The following LSP1 variants were observed in gnomAD, a reference collection of about 807,000 sequenced individuals.
LSP1 encodes lymphocyte-specific protein 1.
In LSP1, 32 loss-of-function variants were observed where a neutral mutation model predicts 49.3. The observed-to-expected ratio is 0.65, with a 90% CI of 0.49 to 0.87. The LOEUF (loss-of-function observed/expected upper bound fraction) is 0.87. Ranked by LOEUF, LSP1 falls within the 40% of genes least tolerant of loss-of-function variation. The pLI is 0.00. For synonymous variants in LSP1, 179 were observed against 178.8 expected (o/e 1.00, Z -0.01); for missense variants, 428 against 442.6 (o/e 0.97, Z 0.30).
intron 10 of LSP1, chr11:1,889,070 G>A: frequency 3.5e-6 from 2 of 576,550 alleles, no homozygotes; most frequent in Non-Finnish European, 6.2e-6. Context: ...AGCAACTATG[G>A]GCCCCCAGCT....
rs558242846 is a variant in LSP1 at position 1,875,854 on chromosome 11, C to T, written c.54-4233C>T. On this transcript the variant is annotated intron_variant, in intron 1 of 10. Coordinates refer to ENST00000311604, the MANE Select transcript of LSP1 (RefSeq NM_002339.3). ...CCCACCTGCTGGCCCCGGGCTGTCTCTGCTCCTGGCTCCCCTCCCAGCTGC... is the reference window on the plus strand; with the variant it reads ...CCCACCTGCTGGCCCCGGGCTGTCTTTGCTCCTGGCTCCCCTCCCAGCTGC... 8.5e-5 allele frequency among the ~76,000 whole-genome samples: 13 copies of T among 152,344 alleles called. No homozygotes were observed. The South Asian group carries it at 2.7e-3, about 32-fold the overall frequency.
At chr11:1,888,022 T>C (rs781348001) in intron 10 of LSP1, among the ~76,000 whole-genome samples, 8 of 152,098 alleles carry the variant, frequency 5.3e-5, no homozygotes, top group Non-Finnish European at 1.0e-4. Context: ...CCGAGAGCGA[T>C]TCAGAGGTCC....
intron 1 of LSP1, chr11:1,871,110 C>T (rs1041747798): frequency 1.7e-5 from 17 of 985,380 alleles, no homozygotes; most frequent in African/African-American, 1.7e-5. Flanking sequence ...AGAAAGGTCC[C>T]GCAGGTCGCC....
intron 1 of LSP1, chr11:1,864,309 G>A: frequency 1.1e-6 from 1 of 937,608 alleles, no homozygotes; most frequent in Non-Finnish European, 1.3e-6. Flanking sequence ...GAGGGCCCGG[G>A]CAGGGCCTGG....
At chr11:1,888,967 C>T (rs1848868765) in intron 10 of LSP1, 1 of 523,150 alleles carries the variant, frequency 1.9e-6, no homozygotes, top group Admixed American at 3.7e-5. Flanking sequence ...CCTGACCACC[C>T]TCCTAACCAT....
chr11:1,868,699 G>T (rs1847875237), intron 1 of LSP1: 1 of 985,770 alleles, frequency 1.0e-6, no homozygotes, highest in Non-Finnish European at 1.2e-6. Flanking sequence ...TTCGGACAGA[G>T]CCCGTCCTGC....
intron 1 of LSP1, chr11:1,868,721 G>T: frequency 1.0e-6 from 1 of 985,776 alleles, no homozygotes. Flanking sequence ...CAGAAGCCCA[G>T]GCGAGCCAGC....
chr11:1,876,012 C>T (rs1848295080), intron 1 of LSP1, among the ~76,000 whole-genome samples: 1 of 152,258 alleles, frequency 6.6e-6, no homozygotes, highest in African/African-American at 2.4e-5. Context: ...GATGGGGGCT[C>T]ATGTGAGCAG....
intron 1 of LSP1, chr11:1,866,622 G>C: frequency 6.5e-7 from 1 of 1,550,114 alleles, no homozygotes; most frequent in Non-Finnish European, 8.7e-7. Context: ...TCCTCCTCCT[G>C]GGCTTCCAGG....
In LSP1 at chr11:1,873,794, C is replaced by A. The variant is rs1239399674; in HGVS notation, c.54-6293C>A. On this transcript the variant is annotated intron_variant, in intron 1 of 10. Transcript: ENST00000311604. ...CAGGAAGTAGCCATCAGGGTGGCAACCAGAAGAGCAGGGAGCCCAGCAGAG... is the reference window on the plus strand; with the variant it reads ...CAGGAAGTAGCCATCAGGGTGGCAAACAGAAGAGCAGGGAGCCCAGCAGAG... Among the ~76,000 whole-genome samples, 10 of 151,476 alleles carry A rather than the reference C, an allele frequency of 6.6e-5. No individual in the cohort carries two copies. The East Asian group carries it at 1.6e-3, about 24-fold the overall frequency.
At chr11:1,859,067 T>C (rs1347515069) in intron 1 of LSP1, among the ~76,000 whole-genome samples, 1 of 152,138 alleles carries the variant, frequency 6.6e-6, no homozygotes, top group African/African-American at 2.4e-5. Context: ...GGCAGGCACA[T>C]GGGCCCCTGA....
intron 1 of LSP1, chr11:1,865,355 G>A: frequency 2.1e-6 from 1 of 477,358 alleles, no homozygotes; most frequent in Non-Finnish European, 2.7e-6. Flanking sequence ...CCTCCCCCCA[G>A]CTTCGGTAGG....
At chr11:1,859,444 C>G (rs1847567277) in intron 1 of LSP1, 1 of 153,862 alleles carries the variant, frequency 6.5e-6, no homozygotes, top group Non-Finnish European at 1.5e-5. Context: ...CTCAAAAGTG[C>G]CTGTGCTCCT....
intron 1 of LSP1, chr11:1,871,256 G>A (rs985823472): frequency 1.5e-5 from 15 of 986,698 alleles, no homozygotes; most frequent in South Asian, 4.7e-5. Context: ...CAGCCACGCC[G>A]CCGGGATGCA....
intron 1 of LSP1, among the ~76,000 whole-genome samples, chr11:1,875,898 A>T (rs1031538207): frequency 9.2e-5 from 14 of 152,128 alleles, no homozygotes. Flanking sequence ...CTGCCTCTCC[A>T]GGGAGGAGTG....
intron 1 of LSP1, chr11:1,870,287 C>T: frequency 2.3e-6 from 3 of 1,302,164 alleles, no homozygotes; most frequent in Non-Finnish European, 3.0e-6. Context: ...CAGGGAGGCA[C>T]CAAAGCTTAC....
intron 1 of LSP1, chr11:1,871,440 T>C: frequency 2.0e-6 from 2 of 986,248 alleles, no homozygotes; most frequent in Non-Finnish European, 2.4e-6. Context: ...AGGGAGGTGA[T>C]GGGCTGGTCA....
rs997288246 is a variant in LSP1 at position 1,870,436 on chromosome 11, A to C, written c.54-9651A>C. ...CTTCCCTGCACCCCCAGGGATGATG[A>C]GTCTGGGAGGGGCTGGTCAGCCATG... On this transcript the variant is annotated intron_variant, in intron 1 of 10. Transcript: ENST00000311604. The C allele has an allele frequency of 6.6e-6, 8 of 1,206,324 alleles. No homozygotes were observed. The African/African-American group carries it at 1.3e-4, about 19-fold the overall frequency. 74.7% of individuals were successfully genotyped at this position (1,206,324 alleles called of 1,614,324 possible). A position where few individuals can be genotyped will look rare whatever the true frequency, so the allele number is the denominator to read the frequency against.
chr11:1,870,385 G>A (rs564872690), intron 1 of LSP1: 3 of 1,246,158 alleles, frequency 2.4e-6, no homozygotes, highest in East Asian at 5.7e-5. Context: ...CGGCCCAGGG[G>A]CAGACTCTTT....
Sources: gnomAD v4.1 joint callset for allele counts (sites outside exome capture counted in the v4.1 genomes callset) on GRCh38, gnomAD v4.1.1 for gene constraint, MANE v1.5 for transcripts, NCBI Gene and HGNC (gene_info 2026-07-23, HGNC 2026-07-21) for gene names.